The following NPFFR2 variants were observed in gnomAD, a reference collection of about 807,000 sequenced individuals.
The protein encoded by NPFFR2 is neuropeptide FF receptor 2.
NPFFR2 carries 15 observed loss-of-function variants against 13.1 expected under a neutral mutation model. That is an observed-to-expected ratio of 1.15 (90% CI 0.77 to 1.76). The LOEUF (loss-of-function observed/expected upper bound fraction) is 1.76. Ranked by LOEUF, NPFFR2 falls within the 40% of genes most tolerant of loss-of-function variation. The pLI is 0.00. For missense variants in NPFFR2, 572 were observed against 503.5 expected, an observed-to-expected ratio of 1.14 and a Z score of -1.30; for synonymous variants, 190 against 175.7, an observed-to-expected ratio of 1.08 and a Z score of -0.65.
intron 1 of NPFFR2, among the ~76,000 whole-genome samples, chr4:72,073,927 T>C (rs1444189876): frequency 6.7e-6 from 1 of 148,600 alleles, no homozygotes; most frequent in Non-Finnish European, 1.5e-5. Flanking sequence ...ACAAAAAAAT[T>C]AGCTAAACAG....
intron 1 of NPFFR2, among the ~76,000 whole-genome samples, chr4:72,103,210 G>A (rs955475627): frequency 2.0e-5 from 3 of 152,128 alleles, no homozygotes; most frequent in African/African-American, 7.2e-5. Flanking sequence ...TCTATTATGT[G>A]ATTTATAAAA....
At chr4:72,064,507 T>C (rs375212342) in intron 1 of NPFFR2, among the ~76,000 whole-genome samples, 40 of 152,286 alleles carry the variant, frequency 2.6e-4, no homozygotes, top group African/African-American at 9.1e-4. Context: ...ATCTCAGACG[T>C]GACTTCTGTC....
At chr4:72,102,981 C>T (rs1721301404) in intron 1 of NPFFR2, among the ~76,000 whole-genome samples, 1 of 152,126 alleles carries the variant, frequency 6.6e-6, no homozygotes, top group African/African-American at 2.4e-5. Context: ...AGTTTACAGT[C>T]CCACCAACAG....
At chr4:72,126,548 C>T (rs1314468594) in intron 1 of NPFFR2, among the ~76,000 whole-genome samples, 3 of 152,238 alleles carry the variant, frequency 2.0e-5, no homozygotes, top group Non-Finnish European at 4.4e-5. Context: ...ATAATAAACA[C>T]TTCCTATACT....
chr4:72,127,031 G>A (rs149649209), intron 1 of NPFFR2, among the ~76,000 whole-genome samples: 1,820 of 152,008 alleles, frequency 0.012, 20 homozygotes, highest in Non-Finnish European at 0.018. Flanking sequence ...GGCCGGGTGC[G>A]GTGGCTCACG....
At chr4:72,141,509 C>G (rs1344307696) in intron 3 of NPFFR2, among the ~76,000 whole-genome samples, 2 of 152,202 alleles carry the variant, frequency 1.3e-5, no homozygotes, top group Non-Finnish European at 2.9e-5. Context: ...GCCTTCATTT[C>G]ATTATTTACC....
intron 3 of NPFFR2, among the ~76,000 whole-genome samples, chr4:72,138,620 A>G (rs1157600125): frequency 6.6e-6 from 1 of 152,138 alleles, no homozygotes; most frequent in Non-Finnish European, 1.5e-5. Context: ...ATAGTATTCC[A>G]TGGTGTATAT....
chr4:72,128,998 A>G (rs889869132), intron 2 of NPFFR2, 79 bp downstream of exon 2: 1 of 1,087,262 alleles, frequency 9.2e-7, no homozygotes, highest in African/African-American at 1.6e-5. Flanking sequence ...AGGGCTGTTC[A>G]TTCATTCATT....
chr4:72,091,503 C>T (rs999042410), intron 1 of NPFFR2, among the ~76,000 whole-genome samples: 4 of 151,816 alleles, frequency 2.6e-5, no homozygotes, highest in African/African-American at 9.7e-5. Context: ...CAATTTACCA[C>T]TGCTCACTGC....
intron 1 of NPFFR2, among the ~76,000 whole-genome samples, chr4:72,094,302 G>A (rs142592597): frequency 1.3e-5 from 2 of 152,180 alleles, no homozygotes; most frequent in African/African-American, 4.8e-5. Flanking sequence ...CTGATTTTGT[G>A]TTCGTTGGCC....
chr4:72,098,961 A>T (rs1342651228), intron 1 of NPFFR2, among the ~76,000 whole-genome samples: 1 of 152,210 alleles, frequency 6.6e-6, no homozygotes, highest in Non-Finnish European at 1.5e-5. Flanking sequence ...GGAGAAAAAC[A>T]AATGGTCTGA....
chr4:72,135,262 G>T (rs557194709), intron 2 of NPFFR2, among the ~76,000 whole-genome samples: 2 of 151,776 alleles, frequency 1.3e-5, no homozygotes, highest in East Asian at 3.9e-4. Context: ...TTTTTATTTT[G>T]TATTTATTGT....
chr4:72,079,535 A>T (rs1560404641), intron 1 of NPFFR2, among the ~76,000 whole-genome samples: 1 of 152,194 alleles, frequency 6.6e-6, no homozygotes, highest in South Asian at 2.1e-4. Flanking sequence ...TAAATGTAAA[A>T]CTTTAAGCAA....
chr4:72,127,024 C>G (rs150457285), intron 1 of NPFFR2, among the ~76,000 whole-genome samples: 226 of 151,740 alleles, frequency 1.5e-3, no homozygotes, highest in Non-Finnish European at 2.9e-3. Context: ...ACATATAGGC[C>G]GGGTGCGGTG....
rs574140276 is a variant in NPFFR2, at chr4:72,136,382, C to CCAAAA, written c.329-1645_329-1641dup. On this transcript the variant is annotated intron_variant, in intron 2 of 3. Coordinates refer to ENST00000308744, the MANE Select transcript of NPFFR2 (RefSeq NM_004885.3). ...GTCTCAAAACAAAGAAACAAACAAACCAAAACAAAACAAAACACCACCAGA... is the reference window on the plus strand; with the variant it reads ...GTCTCAAAACAAAGAAACAAACAAACCAAAACAAAACAAAACAAAACACCACCAGA... Among the ~76,000 whole-genome samples the CCAAAA allele has an allele frequency of 4.5e-4, 68 of 152,044 alleles. 2 individuals carry two copies. In the South Asian group the frequency reaches 0.013, roughly 29 times the overall value.
intron 1 of NPFFR2, among the ~76,000 whole-genome samples, chr4:72,125,013 AATCTATCC>A (rs1560418542): frequency 1.3e-5 from 2 of 152,202 alleles, no homozygotes; most frequent in Admixed American, 6.6e-5. Context: ...AAATTTTTGC[AATCTATCC>A]ATCTATCCAT....
At chr4:72,146,643 C>T (rs1722789629) in intron 3 of NPFFR2, 3 of 218,016 alleles carry the variant, frequency 1.4e-5, no homozygotes, top group African/African-American at 2.3e-5. Flanking sequence ...ATTTCCAAGT[C>T]TGTTTTGCTA....
intron 1 of NPFFR2, among the ~76,000 whole-genome samples, chr4:72,079,204 A>G (rs1720530861): frequency 6.6e-6 from 1 of 152,050 alleles, no homozygotes; most frequent in African/African-American, 2.4e-5. Context: ...TAGGCTCTTC[A>G]TTGTATGATT....
chr4:72,138,812 T>C (rs1171902542), intron 3 of NPFFR2, among the ~76,000 whole-genome samples: 2 of 152,158 alleles, frequency 1.3e-5, no homozygotes, highest in East Asian at 3.9e-4. Context: ...GTATTTCTAA[T>C]TCTAGGTCCT....
Sources: gnomAD v4.1 joint callset for allele counts (sites outside exome capture counted in the v4.1 genomes callset) on GRCh38, gnomAD v4.1.1 for gene constraint, MANE v1.5 for transcripts, NCBI Gene and HGNC (gene_info 2026-07-23, HGNC 2026-07-21) for gene names.